The following TNIK variants were observed in gnomAD, a reference collection of about 807,000 sequenced individuals.
TNIK encodes the protein TRAF2 and NCK interacting kinase.
In TNIK, 49 loss-of-function variants were observed where a neutral mutation model predicts 191.3. The ratio of observed to expected loss-of-function variants is 0.26; its 90% CI spans 0.20 to 0.32. The LOEUF (loss-of-function observed/expected upper bound fraction) is 0.32, where lower values mean the gene tolerates loss of function less well. Ranked by LOEUF, TNIK falls within the 10% of genes least tolerant of loss-of-function variation. The probability of loss-of-function intolerance (pLI) is 1.00; values close to 1 mark genes in which losing one functional copy is unlikely to be tolerated. For missense variants in TNIK, 1,155 were observed against 1,702.3 expected (o/e 0.68, Z 5.66); for synonymous variants, 594 against 600.9 (o/e 0.99, Z 0.17).
At chr3:171,253,862 C>T (rs1222567595) in intron 2 of TNIK, among the ~76,000 whole-genome samples, 1 of 152,156 alleles carries the variant, frequency 6.6e-6, no homozygotes, top group East Asian at 1.9e-4. Flanking sequence ...CTTTATTCTA[C>T]ATATTAAAAC....
intron 21 of TNIK, among the ~76,000 whole-genome samples, chr3:171,104,018 TTC>T (rs1453542586): frequency 6.6e-6 from 1 of 152,144 alleles, no homozygotes; most frequent in African/African-American, 2.4e-5. Context: ...AATTTTTTGC[TTC>T]TGTGTTACTA....
intron 2 of TNIK, among the ~76,000 whole-genome samples, chr3:171,299,358 C>T (rs1169304355): frequency 1.3e-5 from 2 of 152,116 alleles, no homozygotes; most frequent in Admixed American, 6.6e-5. Flanking sequence ...GAGCTGATGG[C>T]ATACTGATCT....
chr3:171,433,781 A>C (rs909042091), intron 1 of TNIK, among the ~76,000 whole-genome samples: 8 of 152,074 alleles, frequency 5.3e-5, no homozygotes, highest in African/African-American at 1.7e-4. Flanking sequence ...CCTATTCAGA[A>C]ACATGAGATA....
intron 2 of TNIK, among the ~76,000 whole-genome samples, chr3:171,351,246 A>G (rs568650408): frequency 1.8e-5 from 2 of 109,080 alleles, no homozygotes; most frequent in South Asian, 6.3e-4. Flanking sequence ...ACAACCATAG[A>G]GAAAATATAT....
chr3:171,428,847 T>G (rs1447164353), intron 1 of TNIK, among the ~76,000 whole-genome samples: 1 of 152,108 alleles, frequency 6.6e-6, no homozygotes, highest in Non-Finnish European at 1.5e-5. Context: ...TCTTTCATTG[T>G]CTCCTCCTTT....
intron 2 of TNIK, among the ~76,000 whole-genome samples, chr3:171,357,280 C>G (rs1411545474): frequency 6.6e-6 from 1 of 151,762 alleles, no homozygotes; most frequent in Non-Finnish European, 1.5e-5. Flanking sequence ...GCATTCCAAA[C>G]TCAGCAGAAT....
intron 23 of TNIK, among the ~76,000 whole-genome samples, chr3:171,088,521 C>T (rs1055766221): frequency 3.3e-5 from 5 of 152,192 alleles, no homozygotes; most frequent in African/African-American, 1.2e-4. Context: ...GTGTGAACCA[C>T]CATGCCCGGC....
intron 18 of TNIK, among the ~76,000 whole-genome samples, chr3:171,111,266 T>G (rs1725815952): frequency 6.6e-6 from 1 of 151,568 alleles, no homozygotes; most frequent in African/African-American, 2.4e-5. Flanking sequence ...CACAAAAAAA[T>G]TAGCTGGGCA....
intron 3 of TNIK, among the ~76,000 whole-genome samples, chr3:171,211,535 C>T (rs1018296533): frequency 2.0e-5 from 3 of 152,078 alleles, no homozygotes; most frequent in East Asian, 3.9e-4. Context: ...GAAAGACTAT[C>T]GAGAGAAAAT....
intron 26 of TNIK, among the ~76,000 whole-genome samples, chr3:171,083,105 A>C (rs368793519): frequency 9.2e-4 from 140 of 152,172 alleles, no homozygotes; most frequent in African/African-American, 3.3e-3. Flanking sequence ...TAATCCTAAA[A>C]ATTTATGGCT....
intron 2 of TNIK, among the ~76,000 whole-genome samples, chr3:171,348,701 G>T (rs917367840): frequency 1.3e-5 from 2 of 152,030 alleles, no homozygotes; most frequent in African/African-American, 2.4e-5. Flanking sequence ...GCAAAAATGG[G>T]GAGGGCCTAC....
chr3:171,335,027 C>CA (rs371457413), intron 2 of TNIK, among the ~76,000 whole-genome samples: 38,854 of 114,434 alleles, frequency 0.34, 5,696 homozygotes, highest in Non-Finnish European at 0.37. Flanking sequence ...CCCCAACTGC[C>CA]AAAAAAAAAA....
chr3:171,217,312 C>G (rs747937115), intron 3 of TNIK, among the ~76,000 whole-genome samples: 2 of 152,086 alleles, frequency 1.3e-5, no homozygotes, highest in Non-Finnish European at 2.9e-5. Context: ...AAACAAAATC[C>G]TGCATGTTCT....
chr3:171,384,575 A>C (rs771811995), intron 1 of TNIK, among the ~76,000 whole-genome samples: 1 of 152,218 alleles, frequency 6.6e-6, no homozygotes, highest in Non-Finnish European at 1.5e-5. Context: ...AAACATAGAA[A>C]ACATCCAACG....
intron 22 of TNIK, among the ~76,000 whole-genome samples, chr3:171,098,657 C>G (rs1318379664): frequency 6.6e-6 from 1 of 152,098 alleles, no homozygotes; most frequent in African/African-American, 2.4e-5. Flanking sequence ...ATGGTGGGCA[C>G]TGAGCTACAA....
At chr3:171,285,808 C>T (rs1038016498) in intron 2 of TNIK, among the ~76,000 whole-genome samples, 3 of 152,192 alleles carry the variant, frequency 2.0e-5, no homozygotes, top group Admixed American at 1.3e-4. Context: ...ACTGCCATCT[C>T]GCCACAGAAC....
intron 7 of TNIK, among the ~76,000 whole-genome samples, chr3:171,180,384 A>T (rs1736499444): frequency 6.6e-6 from 1 of 151,910 alleles, no homozygotes; most frequent in African/African-American, 2.4e-5. Flanking sequence ...CCTCTAACAT[A>T]CGACATGTTT....
At position 171,266,229 on chromosome 3, in the gene TNIK, A is replaced by G. The variant is rs1266815807; in HGVS notation, c.124-38008T>C. ...ACAAAGGACTGTGGACTTGAGTTTTAGAAAATGAAACAAAAGTATTGTAAG... is the reference window on the plus strand; with the variant it reads ...ACAAAGGACTGTGGACTTGAGTTTTGGAAAATGAAACAAAAGTATTGTAAG... On this transcript the variant is annotated intron_variant, in intron 2 of 32. Coordinates refer to ENST00000436636, the MANE Select transcript of TNIK (RefSeq NM_015028.4). Among the ~76,000 whole-genome samples the G allele has an allele frequency of 2.0e-5, 3 of 152,264 alleles. No individual in the cohort carries two copies. In the East Asian group the frequency reaches 5.8e-4, roughly 29 times the overall value.
intron 7 of TNIK, among the ~76,000 whole-genome samples, chr3:171,186,916 T>G (rs1392431341): frequency 1.3e-5 from 2 of 152,178 alleles, no homozygotes. Context: ...AAATATCAGT[T>G]TAATTCCAAG....
Sources: gnomAD v4.1 joint callset for allele counts (sites outside exome capture counted in the v4.1 genomes callset) on GRCh38, gnomAD v4.1.1 for gene constraint, MANE v1.5 for transcripts, NCBI Gene and HGNC (gene_info 2026-07-23, HGNC 2026-07-21) for gene names.